Variants in ZEB1 observed in about 807,000 individuals in gnomAD.
ZEB1 encodes the protein zinc finger E-box-binding homeobox 1.
Under a neutral mutation model 84.9 loss-of-function variants are expected in ZEB1, and 21 were observed. The observed-to-expected ratio is 0.25, with a 90% CI of 0.18 to 0.36. The LOEUF (loss-of-function observed/expected upper bound fraction) is 0.36, where lower values mean the gene tolerates loss of function less well. Ranked by LOEUF, ZEB1 falls within the 10% of genes least tolerant of loss-of-function variation. The pLI is 1.00. For missense variants in ZEB1, 1,104 were observed against 1,330.2 expected, an observed-to-expected ratio of 0.83 and a Z score of 2.65; for synonymous variants, 420 against 471.1, an observed-to-expected ratio of 0.89 and a Z score of 1.41.
chr10:31,449,409 G>C (rs1470018498), intron 1 of ZEB1, among the ~76,000 whole-genome samples: 1 of 152,152 alleles, frequency 6.6e-6, no homozygotes, highest in Non-Finnish European at 1.5e-5. Flanking sequence ...GACTGGAGCT[G>C]TTCCTATTCG....
chr10:31,348,540 G>T (rs1280894161), intron 1 of ZEB1, among the ~76,000 whole-genome samples: 1 of 151,950 alleles, frequency 6.6e-6, no homozygotes, highest in Non-Finnish European at 1.5e-5. Context: ...TTCCAGCCTG[G>T]GTGACAGAGT....
chr10:31,400,130 A>G (rs2051665333), intron 1 of ZEB1, among the ~76,000 whole-genome samples: 1 of 152,044 alleles, frequency 6.6e-6, no homozygotes, highest in Non-Finnish European at 1.5e-5. Flanking sequence ...ACCATCCCAT[A>G]TATTTTACCT....
At chr10:31,366,464 A>AGGCTC (rs1239098409) in intron 1 of ZEB1, among the ~76,000 whole-genome samples, 2 of 152,160 alleles carry the variant, frequency 1.3e-5, no homozygotes, top group African/African-American at 4.8e-5. Flanking sequence ...CATAATTTAA[A>AGGCTC]TAATCCTTTA....
intron 1 of ZEB1, among the ~76,000 whole-genome samples, chr10:31,365,079 T>A (rs1238421971): frequency 6.6e-6 from 1 of 152,204 alleles, no homozygotes; most frequent in Non-Finnish European, 1.5e-5. Context: ...ATGTAAAGAT[T>A]ATGTTATAGA....
intron 1 of ZEB1, among the ~76,000 whole-genome samples, chr10:31,407,956 C>T (rs1191747132): frequency 6.8e-6 from 1 of 147,766 alleles, no homozygotes; most frequent in African/African-American, 2.5e-5. Context: ...GTCAAATTGT[C>T]CCTGTTTGCA....
chr10:31,506,244 G>A (rs182669241), intron 4 of ZEB1, among the ~76,000 whole-genome samples: 1 of 152,022 alleles, frequency 6.6e-6, no homozygotes, highest in Non-Finnish European at 1.5e-5. Flanking sequence ...GTATCCTTTA[G>A]TAGTTGGTTA....
chr10:31,331,619 T>G (rs1478484854), intron 1 of ZEB1, among the ~76,000 whole-genome samples: 1 of 152,202 alleles, frequency 6.6e-6, no homozygotes, highest in Non-Finnish European at 1.5e-5. Context: ...GTTTGGTAAC[T>G]GATGTGATAT....
intron 1 of ZEB1, chr10:31,387,366 G>C (rs570320043): frequency 1.1e-6 from 1 of 940,194 alleles, no homozygotes; most frequent in East Asian, 1.2e-4. Context: ...TCAGACGTTC[G>C]CACAGAAGGG....
intron 1 of ZEB1, among the ~76,000 whole-genome samples, chr10:31,342,425 G>T (rs1190103917): frequency 6.6e-6 from 1 of 152,106 alleles, no homozygotes. Context: ...AGGGGAGAAA[G>T]TTATCATCAG....
rs977465312 is a variant in ZEB1, at chr10:31,489,195, A to G, written c.260-6581A>G. On this transcript the variant is annotated intron_variant, in intron 2 of 8. Transcript: ENST00000424869. ...ATCTCTCTGTTTTCTTGGCAAATTG[A>G]CCCTCTTATCATTATGCAATGTTTT... Among the ~76,000 whole-genome samples, 11 of 151,252 alleles carry G rather than the reference A, an allele frequency of 7.3e-5. 1 individual carries two copies. The South Asian group carries it at 1.2e-3, about 17-fold the overall frequency.
At chr10:31,407,753 A>C (rs1205264523) in intron 1 of ZEB1, among the ~76,000 whole-genome samples, 49 of 146,710 alleles carry the variant, frequency 3.3e-4, no homozygotes, top group African/African-American at 6.4e-4. Context: ...TCAAAATAAT[A>C]AGAGCTATCT....
intron 1 of ZEB1, among the ~76,000 whole-genome samples, chr10:31,438,585 C>G (rs1168656994): frequency 6.6e-6 from 1 of 152,076 alleles, no homozygotes; most frequent in African/African-American, 2.4e-5. Flanking sequence ...ACCAGTAATC[C>G]TAACACTTTG....
intron 1 of ZEB1, among the ~76,000 whole-genome samples, chr10:31,343,694 G>A (rs370071440): frequency 6.6e-6 from 1 of 152,182 alleles, no homozygotes; most frequent in African/African-American, 2.4e-5. Context: ...GATTCTGAAG[G>A]TGCCATTTAG....
chr10:31,321,695 G>T (rs1013428295), intron 1 of ZEB1: 7 of 1,003,512 alleles, frequency 7.0e-6, no homozygotes, highest in Non-Finnish European at 9.3e-6. Flanking sequence ...GAACAGGAAA[G>T]AATGGATTTT....
At chr10:31,494,260 A>G (rs1180146873) in intron 2 of ZEB1, among the ~76,000 whole-genome samples, 1 of 152,048 alleles carries the variant, frequency 6.6e-6, no homozygotes, top group Non-Finnish European at 1.5e-5. Flanking sequence ...CACTTTACCA[A>G]GAATTTTTAA....
intron 2 of ZEB1, among the ~76,000 whole-genome samples, chr10:31,473,145 G>A (rs1242221257): frequency 4.7e-5 from 7 of 148,668 alleles, no homozygotes; most frequent in African/African-American, 1.0e-4. Context: ...TTGAAAACTG[G>A]CACAAGACAG....
intron 1 of ZEB1, among the ~76,000 whole-genome samples, chr10:31,395,072 C>T (rs1042688130): frequency 1.3e-5 from 2 of 152,096 alleles, no homozygotes; most frequent in African/African-American, 2.4e-5. Flanking sequence ...AGGGGATTAA[C>T]GAATTCAATT....
intron 1 of ZEB1, among the ~76,000 whole-genome samples, chr10:31,378,986 A>C (rs2047168270): frequency 6.6e-6 from 1 of 152,080 alleles, no homozygotes; most frequent in African/African-American, 2.4e-5. Context: ...ATTTCTGTTG[A>C]TACATATACC....
chr10:31,366,080 G>T (rs1029405396), intron 1 of ZEB1, among the ~76,000 whole-genome samples: 2 of 152,050 alleles, frequency 1.3e-5, no homozygotes, highest in Non-Finnish European at 2.9e-5. Flanking sequence ...GCACTTTCCC[G>T]CTTTCAAGTC....
Sources: allele counts gnomAD v4.1 joint callset (sites outside exome capture counted in the v4.1 genomes callset), GRCh38; gene constraint gnomAD v4.1.1; transcripts MANE v1.5; gene names NCBI Gene and HGNC (gene_info 2026-07-23, HGNC 2026-07-21).